Variants in PPFIA2 observed in about 807,000 individuals in gnomAD.
PPFIA2 encodes liprin-alpha-2.
In PPFIA2, 46 loss-of-function variants were observed where a neutral mutation model predicts 175.5. That is an observed-to-expected ratio of 0.26 (90% CI 0.21 to 0.34). The LOEUF (loss-of-function observed/expected upper bound fraction) is 0.34. Ranked by LOEUF, PPFIA2 falls within the 10% of genes least tolerant of loss-of-function variation. PPFIA2 has a pLI of 1.00. For synonymous variants in PPFIA2, 568 were observed against 511.4 expected (o/e 1.11, Z -1.49); for missense variants, 1,179 against 1,506.1 (o/e 0.78, Z 3.60).
intron 4 of PPFIA2, among the ~76,000 whole-genome samples, chr12:81,532,477 T>C (rs1415125056): frequency 6.6e-6 from 1 of 151,794 alleles, no homozygotes. Context: ...AGCTTTACAA[T>C]TTACTGTCTG....
At position 81,742,377 on chromosome 12, in the gene PPFIA2, G is replaced by A. The variant is rs543298473; in HGVS notation, c.249+11596C>T. On this transcript the variant is annotated intron_variant, in intron 3 of 32. Coordinates refer to ENST00000549396, the MANE Select transcript of PPFIA2 (RefSeq NM_003625.5). ...GATTCGGGTAAGAGATGGTGACTCTGACTAGGATGGAGTTGCAGAGGTACT... is the reference window on the plus strand; with the variant it reads ...GATTCGGGTAAGAGATGGTGACTCTAACTAGGATGGAGTTGCAGAGGTACT... Among the ~76,000 whole-genome samples the A allele has an allele frequency of 8.7e-4, 132 of 152,266 alleles. 1 individual carries two copies. In the South Asian group the frequency reaches 0.025, roughly 29 times the overall value.
rs1593299384 is a variant in PPFIA2 at position 81,261,840 on chromosome 12, A to G, written c.*33+109T>C. ...TGAAGCAATTCAAAAGGGTTATCTC[A>G]TTTCTGTACTGCTAGGGCATACCAA... On this transcript the variant is annotated intron_variant, in intron 32 of 32. Coordinates refer to ENST00000549396, the MANE Select transcript of PPFIA2 (RefSeq NM_003625.5). 5 of 676,152 alleles carry G rather than the reference A, an allele frequency of 7.4e-6. No individual in the cohort carries two copies. In the East Asian group the frequency reaches 1.4e-4, roughly 19 times the overall value. 41.9% of individuals were successfully genotyped at this position (676,152 alleles called of 1,614,324 possible). A position where few individuals can be genotyped will look rare whatever the true frequency, so the allele number is the denominator to read the frequency against.
intron 4 of PPFIA2, among the ~76,000 whole-genome samples, chr12:81,651,996 C>T (rs747871080): frequency 6.6e-6 from 1 of 151,490 alleles, no homozygotes; most frequent in Admixed American, 6.6e-5. Flanking sequence ...AAGATGCGAC[C>T]GTAGGCAGGT....
At chr12:81,456,601 C>T (rs1437239845) in intron 5 of PPFIA2, among the ~76,000 whole-genome samples, 2 of 152,112 alleles carry the variant, frequency 1.3e-5, no homozygotes. Context: ...ATAGCTATAA[C>T]ATTTAAACTA....
chr12:81,718,474 C>T (rs1194021879), intron 3 of PPFIA2, among the ~76,000 whole-genome samples: 3 of 151,502 alleles, frequency 2.0e-5, no homozygotes, highest in African/African-American at 2.4e-5. Context: ...TACATAGGGC[C>T]TTGAAGAACA....
chr12:81,705,865 T>C (rs1290774342), intron 3 of PPFIA2, among the ~76,000 whole-genome samples: 2 of 152,214 alleles, frequency 1.3e-5, no homozygotes, highest in African/African-American at 2.4e-5. Flanking sequence ...GAGTCACACA[T>C]TAAGTCATGT....
chr12:81,572,782 T>G (rs1284766715), intron 4 of PPFIA2, among the ~76,000 whole-genome samples: 1 of 151,950 alleles, frequency 6.6e-6, no homozygotes, highest in Admixed American at 6.6e-5. Flanking sequence ...TTTGAAGAAC[T>G]GGCTGATTTC....
At chr12:81,376,787 A>C (rs1000251453) in intron 9 of PPFIA2, among the ~76,000 whole-genome samples, 2 of 152,116 alleles carry the variant, frequency 1.3e-5, no homozygotes, top group African/African-American at 4.8e-5. Flanking sequence ...GCTTCTTTGT[A>C]TAAGGATCCT....
chr12:81,589,407 T>C (rs774680965), intron 4 of PPFIA2, among the ~76,000 whole-genome samples: 1 of 152,126 alleles, frequency 6.6e-6, no homozygotes, highest in Non-Finnish European at 1.5e-5. Context: ...TTTCAGGATA[T>C]AAGTTTATTG....
intron 4 of PPFIA2, among the ~76,000 whole-genome samples, chr12:81,611,622 T>G (rs1595598135): frequency 6.6e-6 from 1 of 150,958 alleles, no homozygotes; most frequent in African/African-American, 2.4e-5. Flanking sequence ...TGTGGAAGGG[T>G]TTGCAGAACA....
intron 4 of PPFIA2, among the ~76,000 whole-genome samples, chr12:81,661,514 A>G (rs2068867184): frequency 6.6e-6 from 1 of 152,234 alleles, no homozygotes; most frequent in Non-Finnish European, 1.5e-5. Flanking sequence ...CTAGATATAT[A>G]TGCGCCCAAT....
At chr12:81,617,506 C>G (rs901412320) in intron 4 of PPFIA2, among the ~76,000 whole-genome samples, 4 of 152,172 alleles carry the variant, frequency 2.6e-5, no homozygotes, top group Non-Finnish European at 5.9e-5. Context: ...CACTTGTTTT[C>G]CACACAGTAG....
At chr12:81,708,965 C>A (rs943468027) in intron 3 of PPFIA2, among the ~76,000 whole-genome samples, 22 of 152,156 alleles carry the variant, frequency 1.4e-4, no homozygotes, top group Non-Finnish European at 7.4e-5. Flanking sequence ...TTGTTCTCTT[C>A]TTTTGTTACT....
At chr12:81,664,928 A>G (rs1318324459) in intron 4 of PPFIA2, among the ~76,000 whole-genome samples, 2 of 152,116 alleles carry the variant, frequency 1.3e-5, no homozygotes, top group Non-Finnish European at 2.9e-5. Flanking sequence ...TCAGCAAACT[A>G]TCACAAGGAC....
In PPFIA2 at chr12:81,645,188, A is replaced by C. The variant is rs1001822363; in HGVS notation, c.303+31603T>G. Among the ~76,000 whole-genome samples, 29 of 152,120 alleles carry C rather than the reference A, an allele frequency of 1.9e-4. 1 individual carries two copies. Among genetic ancestry groups the C allele is most frequent in the South Asian group, 6.2e-4 (3 of 4,824 alleles). ...TAAAGAAAGAGAGATAAAGGGAAAG[A>C]GAGAAGGAAGGAAGGAAGGAAGGAG... is the stretch of plus-strand genomic sequence containing the variant. On this transcript the variant is annotated intron_variant, in intron 4 of 32. Transcript: ENST00000549396.
intron 3 of PPFIA2, among the ~76,000 whole-genome samples, chr12:81,715,856 T>A (rs1390454001): frequency 6.6e-6 from 1 of 151,684 alleles, no homozygotes; most frequent in East Asian, 1.9e-4. Flanking sequence ...AAATCAAATT[T>A]GGACTATTAT....
intron 3 of PPFIA2, among the ~76,000 whole-genome samples, chr12:81,717,638 A>C (rs888889552): frequency 6.6e-6 from 1 of 151,740 alleles, no homozygotes; most frequent in African/African-American, 2.4e-5. Context: ...ATAGTCATTC[A>C]AAATTACTTA....
chr12:81,751,461 A>C (rs1308648758), intron 3 of PPFIA2, among the ~76,000 whole-genome samples: 1 of 151,522 alleles, frequency 6.6e-6, no homozygotes, highest in African/African-American at 2.4e-5. Context: ...AATTATCTTC[A>C]GAAAAATTTC....
chr12:81,451,198 T>C (rs1186443174), intron 5 of PPFIA2, among the ~76,000 whole-genome samples: 4 of 152,090 alleles, frequency 2.6e-5, no homozygotes, highest in Admixed American at 2.6e-4. Context: ...ATTAATACAT[T>C]ATTCTCTTTT....
Sources: allele counts gnomAD v4.1 joint callset (sites outside exome capture counted in the v4.1 genomes callset), GRCh38; gene constraint gnomAD v4.1.1; transcripts MANE v1.5; gene names NCBI Gene and HGNC (gene_info 2026-07-23, HGNC 2026-07-21).